LOXL2: variants seen among roughly 807,000 people sequenced by gnomAD.
LOXL2 encodes lysyl oxidase like 2.
LOXL2 carries 70 observed loss-of-function variants against 93.0 expected under a neutral mutation model. That is an observed-to-expected ratio of 0.75 (90% CI 0.62 to 0.92). The LOEUF (loss-of-function observed/expected upper bound fraction) is 0.92. LOXL2 is among the 40% of genes least tolerant of loss of function. The probability of loss-of-function intolerance (pLI) is 0.00; values close to 1 mark genes in which losing one functional copy is unlikely to be tolerated. For missense variants in LOXL2, 973 were observed against 1,054.9 expected, an observed-to-expected ratio of 0.92 and a Z score of 1.08; for synonymous variants, 438 against 413.2, an observed-to-expected ratio of 1.06 and a Z score of -0.73.
At chr8:23,326,489 C>T (rs947556258) in intron 6 of LOXL2, among the ~76,000 whole-genome samples, 16 of 152,100 alleles carry the variant, frequency 1.1e-4, no homozygotes, top group South Asian at 2.1e-4. Context: ...TGCAGTGGCT[C>T]GTGTCTATAA....
chr8:23,361,195 G>A (rs1006130614), intron 2 of LOXL2, among the ~76,000 whole-genome samples: 4 of 151,980 alleles, frequency 2.6e-5, no homozygotes, highest in African/African-American at 7.2e-5. Flanking sequence ...CACTGCGCCC[G>A]GCCTGGTTTG....
At chr8:23,374,069 G>C (rs1347567520) in intron 1 of LOXL2, among the ~76,000 whole-genome samples, 1 of 151,696 alleles carries the variant, frequency 6.6e-6, no homozygotes, top group South Asian at 2.1e-4. Context: ...CATTTACATT[G>C]GGTATATCTC....
intron 9 of LOXL2, among the ~76,000 whole-genome samples, chr8:23,310,173 G>A (rs544197648): frequency 9.2e-5 from 14 of 152,360 alleles, no homozygotes; most frequent in African/African-American, 1.7e-4. Context: ...CCTAGGCTAC[G>A]AGCGAAGCAC....
At chr8:23,393,716 CT>C (rs1279136452) in intron 1 of LOXL2, among the ~76,000 whole-genome samples, 1 of 152,082 alleles carries the variant, frequency 6.6e-6, no homozygotes, top group Non-Finnish European at 1.5e-5. Context: ...AATAAAAAAA[CT>C]TCTGCACATC....
At chr8:23,386,891 G>A (rs563236136) in intron 1 of LOXL2, among the ~76,000 whole-genome samples, 72 of 152,266 alleles carry the variant, frequency 4.7e-4, no homozygotes, top group Non-Finnish European at 8.1e-4. Flanking sequence ...GCAAGGGTCC[G>A]CAAGGGGAAG....
At chr8:23,331,454 C>G (rs1030596085) in intron 5 of LOXL2, 1 of 152,194 alleles carries the variant, frequency 6.6e-6, no homozygotes. Flanking sequence ...CTACTCATGC[C>G]GCGTCAGCAA....
At chr8:23,348,258 G>C (rs1316254126) in intron 3 of LOXL2, among the ~76,000 whole-genome samples, 2 of 135,072 alleles carry the variant, frequency 1.5e-5, no homozygotes. Context: ...GCCTGTCGTG[G>C]GGTGGGGGGA....
intron 3 of LOXL2, among the ~76,000 whole-genome samples, chr8:23,348,885 C>A (rs1299286454): frequency 6.8e-6 from 1 of 148,096 alleles, no homozygotes; most frequent in African/African-American, 2.6e-5. Context: ...TCAAAAAAAA[C>A]AAAACAAACA....
chr8:23,332,222 AC>A (rs1191406516), intron 5 of LOXL2, among the ~76,000 whole-genome samples: 1 of 58,254 alleles, frequency 1.7e-5, no homozygotes, highest in South Asian at 7.0e-4. Context: ...CACCCCACAC[AC>A]CCCCTACACA....
chr8:23,337,381 C>A (rs1258051661), intron 4 of LOXL2: 1 of 152,216 alleles, frequency 6.6e-6, no homozygotes, highest in African/African-American at 2.4e-5. Context: ...GAGCTCCTTT[C>A]ATATATTTAC....
At chr8:23,349,007 T>C (rs1354005238) in intron 3 of LOXL2, among the ~76,000 whole-genome samples, 1 of 132,456 alleles carries the variant, frequency 7.5e-6, no homozygotes, top group African/African-American at 3.6e-5. Flanking sequence ...CCTCAACTCT[T>C]CCTCTTTTCA....
At chr8:23,372,270 T>C (rs1804508186) in intron 1 of LOXL2, among the ~76,000 whole-genome samples, 1 of 151,712 alleles carries the variant, frequency 6.6e-6, no homozygotes, top group Admixed American at 6.6e-5. Context: ...GGCTGGAGTG[T>C]GCAGTGGCGC....
Position 23,346,195 on chromosome 8 carries a change from TAA to T in LOXL2, c.532-4994_532-4993del, listed in dbSNP as rs1430722662. ...AAATAAATAAAATAATAAAATAAAATAAAATAAAATAAATAAAATAAAATAAA... is the reference window on the plus strand; with the variant it reads ...AAATAAATAAAATAATAAAATAAAATAATAAAATAAATAAAATAAAATAAA... On this transcript the variant is annotated intron_variant, in intron 3 of 13. Coordinates refer to ENST00000389131, the MANE Select transcript of LOXL2 (RefSeq NM_002318.3). 1.9e-3 allele frequency among the ~76,000 whole-genome samples: 206 copies of T among 105,836 alleles called. 1 individual carries two copies. The highest frequency in any genetic ancestry group is 7.5e-3 in the African/African-American group (172 of 22,950). The allele number at this position is 105,836 out of a possible 152,430, so 69.4% of individuals were successfully genotyped here. A position where few individuals can be genotyped will look rare whatever the true frequency, so the allele number is the denominator to read the frequency against.
intron 3 of LOXL2, among the ~76,000 whole-genome samples, chr8:23,354,711 A>C (rs954705): frequency 0.49 from 74,375 of 151,304 alleles, 19,631 homozygotes; most frequent in African/African-American, 0.7. Context: ...ACTGAATAAC[A>C]AGGGTCTTGA....
intron 1 of LOXL2, among the ~76,000 whole-genome samples, chr8:23,373,335 T>C (rs1804529662): frequency 6.6e-6 from 1 of 151,942 alleles, no homozygotes; most frequent in African/African-American, 2.4e-5. Flanking sequence ...TTCAGGAAGG[T>C]TTTCCTCTTC....
At chr8:23,365,311 G>C (rs1464319631) in intron 2 of LOXL2, 1 of 152,214 alleles carries the variant, frequency 6.6e-6, no homozygotes, top group Non-Finnish European at 1.5e-5. Flanking sequence ...GAACTCTTTT[G>C]CCAACTCTTT....
chr8:23,335,855 CT>C (rs1000228321), intron 4 of LOXL2, among the ~76,000 whole-genome samples: 1 of 152,314 alleles, frequency 6.6e-6, no homozygotes, highest in Admixed American at 6.5e-5. Flanking sequence ...GTTATCATCT[CT>C]CCTTAACCCA....
chr8:23,349,776 T>G (rs1216857012), intron 3 of LOXL2, among the ~76,000 whole-genome samples: 1 of 151,828 alleles, frequency 6.6e-6, no homozygotes, highest in Admixed American at 6.6e-5. Flanking sequence ...TATTACTGGT[T>G]CCTTCCAACC....
At chr8:23,331,127 A>G (rs184686523) in intron 5 of LOXL2, among the ~76,000 whole-genome samples, 14 of 152,232 alleles carry the variant, frequency 9.2e-5, no homozygotes, top group Non-Finnish European at 1.8e-4. Context: ...TGTCCCTTTT[A>G]TATTGGAGGA....
Sources: gnomAD v4.1 joint callset for allele counts (sites outside exome capture counted in the v4.1 genomes callset) on GRCh38, gnomAD v4.1.1 for gene constraint, MANE v1.5 for transcripts, NCBI Gene and HGNC (gene_info 2026-07-23, HGNC 2026-07-21) for gene names.